The following SLC1A7 variants were observed in gnomAD, a reference collection of about 807,000 sequenced individuals.
SLC1A7 encodes solute carrier family 1 member 7, also known as excitatory amino acid transporter 5.
In SLC1A7, 40 loss-of-function variants were observed where a neutral mutation model predicts 47.7. That is an observed-to-expected ratio of 0.84 (90% CI 0.65 to 1.09). SLC1A7 has a LOEUF of 1.09. Among genes scored for constraint, SLC1A7 ranks in the 50% least tolerant of loss-of-function variants. The pLI, the probability that SLC1A7 is intolerant of heterozygous loss-of-function variation, is 0.00. For missense variants in SLC1A7, 746 were observed against 769.5 expected, an observed-to-expected ratio of 0.97 and a Z score of 0.36; for synonymous variants, 323 against 325.6, an observed-to-expected ratio of 0.99 and a Z score of 0.09.
chr1:53,094,941 G>A (rs970274458), intron 5 of SLC1A7, among the ~76,000 whole-genome samples: 20 of 152,368 alleles, frequency 1.3e-4, no homozygotes, highest in African/African-American at 4.8e-4. Context: ...GCTGGGTTGA[G>A]GGAACCAAAG....
At chr1:53,114,432 A>G in intron 3 of SLC1A7, 1 of 351,846 alleles carries the variant, frequency 2.8e-6, no homozygotes, top group South Asian at 4.7e-5. Flanking sequence ...ATCTGTAAAA[A>G]GAGGACCAAT....
rs561039265 is a variant in SLC1A7 at position 53,090,973 on chromosome 1, C to T, written c.1032-167G>A. ...GACCGCGGGCACTGCAGTGCTCTCA[C>T]TTGGTTCTTCCTATGAGGGAGGTGT... On this transcript the variant is annotated intron_variant, in intron 7 of 10. Coordinates refer to ENST00000371494, the MANE Select transcript of SLC1A7 (RefSeq NM_006671.6). 7 of 1,494,704 alleles carry T rather than the reference C, an allele frequency of 4.7e-6. No homozygotes were observed. In the Admixed American group the frequency reaches 1.1e-4, roughly 23 times the overall value. 92.6% of individuals were successfully genotyped at this position (1,494,704 alleles called of 1,614,324 possible). A position where few individuals can be genotyped will look rare whatever the true frequency, so the allele number is the denominator to read the frequency against.
Position 53,089,910 on chromosome 1 carries a change from A to C in SLC1A7, c.1251T>G (p.Ile417Met). Residue 417 changes from isoleucine to methionine, a missense_variant, in exon 9 of 11, where the codon ATT (isoleucine) becomes ATG (methionine). Transcript: ENST00000371494. ...CGGCCTGGGGGATGCCAGCTGCCCC[A>C]ATGCTGGCTGCAGTGGCTGTGATAC... is the stretch of plus-strand genomic sequence containing the variant. ...TISITATAAS[I>M]GAAGIPQAGL... The C allele has an allele frequency of 6.2e-7, 1 of 1,613,572 alleles. No homozygotes were observed. The highest frequency in any genetic ancestry group is 2.2e-5 in the East Asian group (1 of 44,872).
chr1:53,119,437 C>T (rs1285290934), intron 2 of SLC1A7, among the ~76,000 whole-genome samples: 1 of 152,156 alleles, frequency 6.6e-6, no homozygotes, highest in East Asian at 1.9e-4. Flanking sequence ...CAGCCTTGAC[C>T]TCCTAGGCTC....
At chr1:53,091,873 T>C (rs2150314914) in intron 7 of SLC1A7, among the ~76,000 whole-genome samples, 1 of 152,280 alleles carries the variant, frequency 6.6e-6, no homozygotes, top group South Asian at 2.1e-4. Context: ...ACCACTTCCT[T>C]CCTGCCCCCT....
intron 7 of SLC1A7, 125 bp from the exon 8 acceptor site, chr1:53,090,931 C>T (rs1423863794): frequency 1.3e-6 from 2 of 1,538,888 alleles, no homozygotes; most frequent in Non-Finnish European, 1.8e-6. Context: ...TGCAGCGCTG[C>T]TCCGGCAGGA....
Position 53,094,358 on chromosome 1 carries a change from G to T in SLC1A7, c.698-798C>A, listed in dbSNP as rs74947247. On this transcript the variant is annotated intron_variant, in intron 5 of 10. Coordinates refer to ENST00000371494, the MANE Select transcript of SLC1A7 (RefSeq NM_006671.6). ...TGGTGTGGGAACGGCTCCGTGGGGT[G>T]AGCTCTGTCAGGCCAGTCCTGAAAC... 6.4e-3 allele frequency among the ~76,000 whole-genome samples: 968 copies of T among 152,322 alleles called. 5 individuals are homozygous for T. The highest frequency in any genetic ancestry group is 0.022 in the African/African-American group (908 of 41,566).
At position 53,092,628 on chromosome 1, in the gene SLC1A7, G is replaced by A; in HGVS notation, c.957C>T (p.Ile319=). The change falls in exon 7 of 11, where the codon ATC becomes ATT. Residue 319 remains isoleucine (I), a synonymous_variant. Transcript: ENST00000371494. Reference sequence around the variant, plus strand: ...TGAAGACGATGGGATTCTTCTTGGTGATGAAGAAGTAGAGCAGGGGCAGGA... The same window carrying A: ...TGAAGACGATGGGATTCTTCTTGGTAATGAAGAAGTAGAGCAGGGGCAGGA... ...LFILPLLYFF[I]TKKNPIVFIR... 6.2e-7 allele frequency: 1 copy of A among 1,614,180 alleles called. No individual in the cohort carries two copies. The highest frequency in any genetic ancestry group is 8.5e-7 in the Non-Finnish European group (1 of 1,179,998).
At chr1:53,092,079 AG>A (rs1193533242) in intron 7 of SLC1A7, among the ~76,000 whole-genome samples, 1 of 152,240 alleles carries the variant, frequency 6.6e-6, no homozygotes. Flanking sequence ...GCCCAGGCAC[AG>A]CGAGTGAGTG....
intron 7 of SLC1A7, among the ~76,000 whole-genome samples, 172 bp downstream of exon 7, chr1:53,092,382 A>G (rs1449120056): frequency 6.6e-6 from 1 of 152,258 alleles, no homozygotes; most frequent in Non-Finnish European, 1.5e-5. Context: ...GACAAAGGCC[A>G]AAAGTCCCCC....
At chr1:53,093,165 CT>C (rs1423435147) in intron 6 of SLC1A7, among the ~76,000 whole-genome samples, 1 of 152,202 alleles carries the variant, frequency 6.6e-6, no homozygotes, top group African/African-American at 2.4e-5. Flanking sequence ...GCCAGCTTTC[CT>C]TTCTCCAAAA....
At chr1:53,134,321 G>A (rs755146939) in intron 2 of SLC1A7, 29 bp downstream of exon 2, 9 of 1,574,024 alleles carry the variant, frequency 5.7e-6, no homozygotes, top group African/African-American at 2.7e-5. Context: ...TCCTGGTTCC[G>A]GACCACCTGG....
chr1:53,098,901 C>G (rs561205535), intron 5 of SLC1A7, among the ~76,000 whole-genome samples: 7 of 150,654 alleles, frequency 4.6e-5, no homozygotes, highest in Non-Finnish European at 8.9e-5. Flanking sequence ...CCCACACCAC[C>G]GTAGTACACT....
intron 5 of SLC1A7, among the ~76,000 whole-genome samples, chr1:53,100,330 G>A (rs796130247): frequency 9.2e-4 from 107 of 115,976 alleles, no homozygotes; most frequent in African/African-American, 2.9e-3. Flanking sequence ...TACACACCCC[G>A]CCTCAGTACA....
At chr1:53,109,340 T>A (rs1317433) in intron 3 of SLC1A7, among the ~76,000 whole-genome samples, 1 of 152,102 alleles carries the variant, frequency 6.6e-6, no homozygotes, top group Admixed American at 6.5e-5. Flanking sequence ...TGTGGTGTTT[T>A]AATAAGATTC....
chr1:53,090,969 C>T (rs538352245), intron 7 of SLC1A7, 163 bp from the exon 8 acceptor site: 3 of 1,501,718 alleles, frequency 2.0e-6, no homozygotes, highest in Non-Finnish European at 2.7e-6. Context: ...CTGCAGTGCT[C>T]TCACTTGGTT....
At chr1:53,106,992 TA>T (rs1229032856) in intron 3 of SLC1A7, among the ~76,000 whole-genome samples, 108 of 151,534 alleles carry the variant, frequency 7.1e-4, no homozygotes, top group African/African-American at 2.4e-3. Flanking sequence ...CCGTCTCTAC[TA>T]AAAAATACAA....
chr1:53,093,545 C>A lies in SLC1A7; in HGVS notation c.713G>T (p.Arg238Leu), dbSNP rs769472543. ...FSATMGIMLG[R>L]MGDSGAPLVS... ...CAGGGGGGCCCCGCTGTCACCCATG[C>A]GGCCCAGCATGATGCCTGCGGGTCA... The change falls in exon 6 of 11, where the codon CGC becomes CTC. Residue 238 changes from arginine (R) to leucine (L), a missense_variant. Arg to Leu is a moderately radical substitution (Grantham distance 102). Coordinates refer to ENST00000371494, the MANE Select transcript of SLC1A7 (RefSeq NM_006671.6). 4.4e-6 allele frequency: 7 copies of A among 1,605,002 alleles called. No homozygotes were observed. Among genetic ancestry groups the A allele is most frequent in the Non-Finnish European group, 3.4e-6 (4 of 1,178,752 alleles).
In SLC1A7 at chr1:53,090,640, G is replaced by C. The variant is rs773715019; in HGVS notation, c.1198C>G (p.Leu400Val). Residue 400 changes from leucine to valine, a missense_variant, in exon 8 of 11, where the codon CTG becomes GTG. Physicochemically the swap from Leu to Val is conservative, Grantham distance 32 (BLOSUM62 1). Coordinates refer to ENST00000371494, the MANE Select transcript of SLC1A7 (RefSeq NM_006671.6). ...IFIAQVNNYE[L>V]DFGQIITISI... ...ATGGTGATGATCTGGCCAAAGTCCA[G>C]CTCGTAGTTGTTGACCTGGGCGATG... 6.2e-7 allele frequency: 1 copy of C among 1,605,060 alleles called. No homozygotes were observed. Among genetic ancestry groups the C allele is most frequent in the South Asian group, 1.1e-5 (1 of 89,856 alleles).
Sources: allele counts gnomAD v4.1 joint callset (sites outside exome capture counted in the v4.1 genomes callset), GRCh38; gene constraint gnomAD v4.1.1; transcripts MANE v1.5; gene names NCBI Gene and HGNC (gene_info 2026-07-23, HGNC 2026-07-21).